Variants in KANK4 observed in about 807,000 individuals in gnomAD.
The protein encoded by KANK4 is KN motif and ankyrin repeat domains 4, also known as KN motif and ankyrin repeat domain-containing protein 4.
KANK4 carries 50 observed loss-of-function variants against 80.8 expected under a neutral mutation model. The observed-to-expected ratio is 0.62, with a 90% CI of 0.49 to 0.78. The LOEUF is 0.78. Ranked by LOEUF, KANK4 falls within the 30% of genes least tolerant of loss-of-function variation. The pLI, the probability that KANK4 is intolerant of heterozygous loss-of-function variation, is 0.00. For synonymous variants in KANK4, 465 were observed against 506.9 expected, an observed-to-expected ratio of 0.92 and a Z score of 1.11; for missense variants, 1,196 against 1,240.1, an observed-to-expected ratio of 0.96 and a Z score of 0.53.
intron 2 of KANK4, 64 bp from the exon 3 acceptor site, chr1:62,275,151 G>A: frequency 8.1e-7 from 1 of 1,240,840 alleles, no homozygotes. Context: ...ACAGGGCGAT[G>A]AGGCCTAATA....
intron 9 of KANK4, among the ~76,000 whole-genome samples, chr1:62,243,944 T>C (rs1000966610): frequency 5.9e-5 from 9 of 152,146 alleles, no homozygotes; most frequent in African/African-American, 2.2e-4. Flanking sequence ...TGTTCCCTGC[T>C]GGTTGATGTG....
At chr1:62,259,944 G>C (rs1369114651) in intron 7 of KANK4, among the ~76,000 whole-genome samples, 1 of 151,922 alleles carries the variant, frequency 6.6e-6, no homozygotes, top group Non-Finnish European at 1.5e-5. Context: ...GATGACATTT[G>C]ACCGAGGCCC....
At chr1:62,266,850 T>C in intron 5 of KANK4, 31 bp from the exon 6 acceptor site, 1 of 1,270,088 alleles carries the variant, frequency 7.9e-7, no homozygotes, top group Non-Finnish European at 1.1e-6. Flanking sequence ...TACACATATT[T>C]ATATAATCAT....
chr1:62,312,622 C>G (rs1440787979), intron 1 of KANK4, among the ~76,000 whole-genome samples: 1 of 152,224 alleles, frequency 6.6e-6, no homozygotes. Flanking sequence ...CTGCCCACCC[C>G]TCTCATCCAA....
intron 7 of KANK4, among the ~76,000 whole-genome samples, chr1:62,260,305 T>C (rs1671853996): frequency 6.6e-6 from 1 of 152,142 alleles, no homozygotes; most frequent in African/African-American, 2.4e-5. Flanking sequence ...TCTGATTCTC[T>C]GTCAGTCTCT....
At chr1:62,305,816 C>CA (rs1644447166) in intron 1 of KANK4, among the ~76,000 whole-genome samples, 1 of 152,090 alleles carries the variant, frequency 6.6e-6, no homozygotes, top group South Asian at 2.1e-4. Flanking sequence ...ACCCAGTACC[C>CA]AAAAAGCTGC....
rs1671249808 is a variant in KANK4, at chr1:62,238,192, C to T, written c.*85G>A. On this transcript the variant is annotated 3_prime_UTR_variant, in exon 10 of 10. Coordinates refer to ENST00000371153, the MANE Select transcript of KANK4 (RefSeq NM_181712.5). The stretch of plus-strand genomic sequence containing the variant: ...CTTCTCTAGAAGGGTGGCTCTCTGG[C>T]CTGTGACCTCTGCCCTCTTCAAGGG... The T allele has an allele frequency of 1.1e-6, 1 of 888,254 alleles. No homozygotes were observed. Among genetic ancestry groups the T allele is most frequent in the Non-Finnish European group, 1.8e-6 (1 of 555,500 alleles). The allele number at this position is 888,254 out of a possible 1,614,324, so 55.0% of individuals were successfully genotyped here.
chr1:62,291,998 A>C (rs2765261), intron 1 of KANK4, among the ~76,000 whole-genome samples: 1 of 151,884 alleles, frequency 6.6e-6, no homozygotes, highest in South Asian at 2.1e-4. Context: ...CACCACCCCA[A>C]AAAGAAATGC....
intron 2 of KANK4, among the ~76,000 whole-genome samples, chr1:62,279,196 G>GCACACA (rs1457451049): frequency 3.9e-5 from 2 of 51,736 alleles, no homozygotes; most frequent in African/African-American, 6.3e-5. Flanking sequence ...AAGCTAGCGC[G>GCACACA]CGCACACACA....
intron 1 of KANK4, among the ~76,000 whole-genome samples, chr1:62,301,786 A>G (rs1644414178): frequency 6.6e-6 from 1 of 152,102 alleles, no homozygotes; most frequent in African/African-American, 2.4e-5. Flanking sequence ...TGGGGATTGA[A>G]AGGTCACCAA....
intron 1 of KANK4, among the ~76,000 whole-genome samples, chr1:62,304,485 G>A (rs1644435672): frequency 6.6e-6 from 1 of 151,916 alleles, no homozygotes. Flanking sequence ...AAGGACCCTG[G>A]ACCTGCTTCC....
Position 62,274,096 on chromosome 1 carries a change from C to T in KANK4, c.1008G>A (p.Arg336=). The T allele has an allele frequency of 6.2e-7, 1 of 1,614,160 alleles. No homozygotes were observed. Among genetic ancestry groups the T allele is most frequent in the South Asian group, 1.1e-5 (1 of 91,088 alleles). The part of the protein sequence containing the change: ...RVTEESLGLA[R]VDPGSISSLK... ...GGCTGGAGATGCTGCCTGGATCCACCCTGGCAAGGCCCAGGCTTTCCTCAG... is the reference window on the plus strand; with the variant it reads ...GGCTGGAGATGCTGCCTGGATCCACTCTGGCAAGGCCCAGGCTTTCCTCAG... The change falls in exon 3 of 10, where the codon AGG becomes AGA. Residue 336 remains arginine, a synonymous_variant. Transcript: ENST00000371153.
At chr1:62,251,991 CA>C (rs11454026) in intron 8 of KANK4, among the ~76,000 whole-genome samples, 199 of 125,758 alleles carry the variant, frequency 1.6e-3, no homozygotes, top group African/African-American at 4.3e-3. Context: ...GACTCCGTTT[CA>C]AAAAAAAAAA....
rs200229473 is a variant in KANK4, at chr1:62,253,132, T to C, written c.2617A>G (p.Asn873Asp). ...MITPLASAETNEDMAVVWKLL... is the reference protein window; with the variant it reads ...MITPLASAETDEDMAVVWKLL... ...TTCCAGACAACAGCCATGTCTTCAT[T>C]GGTCTCTGCGGAAGCCAAGGGAGTG... The change falls in exon 8 of 10, where the codon AAT (asparagine) becomes GAT (aspartate). Residue 873 changes from asparagine to aspartate, a missense_variant. This residue lies in a region of KANK4 where 1,154 missense variants were observed against 1,179.6 expected (regional missense o/e 0.98). Coordinates refer to ENST00000371153, the MANE Select transcript of KANK4 (RefSeq NM_181712.5). 2.1e-5 allele frequency: 34 copies of C among 1,614,006 alleles called. 1 individual carries two copies. The East Asian group carries it at 6.2e-4, about 30-fold the overall frequency.
In KANK4 at chr1:62,319,176, C is replaced by G. The variant is rs1644569651; in HGVS notation, c.-141G>C. On this transcript the variant is annotated 5_prime_UTR_variant, in exon 1 of 10. Coordinates refer to ENST00000371153, the MANE Select transcript of KANK4 (RefSeq NM_181712.5). ...GGGGCCGGGGCAGCTAGGCGCACAC[C>G]CCGGCTTCGGAGCGCACGCAACCTC... 1 of 152,174 alleles carries G rather than the reference C, an allele frequency of 6.6e-6. No individual in the cohort carries two copies. The highest frequency in any genetic ancestry group is 6.5e-5 in the Admixed American group (1 of 15,280). 9.4% of individuals were successfully genotyped at this position (152,174 alleles called of 1,614,324 possible). A position where few individuals can be genotyped will look rare whatever the true frequency, so the allele number is the denominator to read the frequency against.
At chr1:62,297,868 T>C (rs191197978) in intron 1 of KANK4, among the ~76,000 whole-genome samples, 131 of 152,372 alleles carry the variant, frequency 8.6e-4, no homozygotes, top group South Asian at 2.1e-3. Context: ...GTTACACAGA[T>C]ATCCATTTCA....
At chr1:62,275,305 A>C (rs1672283472) in intron 2 of KANK4, among the ~76,000 whole-genome samples, 1 of 152,128 alleles carries the variant, frequency 6.6e-6, no homozygotes, top group Non-Finnish European at 1.5e-5. Context: ...GTCTGCAAGG[A>C]AACAGGGAGA....
chr1:62,268,585 C>T (rs1209846741), intron 4 of KANK4, 80 bp from the exon 5 acceptor site: 10 of 1,131,302 alleles, frequency 8.8e-6, no homozygotes, highest in Non-Finnish European at 1.3e-5. Flanking sequence ...CTGGGTGGGC[C>T]TCGGGTAACA....
intron 7 of KANK4, among the ~76,000 whole-genome samples, chr1:62,261,812 C>T (rs1671892596): frequency 6.6e-6 from 1 of 152,204 alleles, no homozygotes; most frequent in African/African-American, 2.4e-5. Context: ...CCTGTCTAAC[C>T]TCCATGGAGT....
Sources: allele counts gnomAD v4.1 joint callset (sites outside exome capture counted in the v4.1 genomes callset), GRCh38; gene constraint gnomAD v4.1.1; regional missense constraint gnomAD v4.1.1; transcripts MANE v1.5; gene names NCBI Gene and HGNC (gene_info 2026-07-23, HGNC 2026-07-21).